The following SLC2A13 variants were observed in gnomAD, a reference collection of about 807,000 sequenced individuals.
The protein encoded by SLC2A13 is proton myo-inositol cotransporter.
SLC2A13 carries 32 observed loss-of-function variants against 64.4 expected under a neutral mutation model. The ratio of observed to expected loss-of-function variants is 0.50; its 90% confidence interval spans 0.37 to 0.67. The LOEUF (loss-of-function observed/expected upper bound fraction) is 0.67, where lower values mean the gene tolerates loss of function less well. Ranked by LOEUF, SLC2A13 falls within the 30% of genes least tolerant of loss-of-function variation. The pLI is 0.00. For synonymous variants in SLC2A13, 338 were observed against 327.1 expected, an observed-to-expected ratio of 1.03 and a Z score of -0.36; for missense variants, 743 against 829.2, an observed-to-expected ratio of 0.90 and a Z score of 1.28.
intron 3 of SLC2A13, among the ~76,000 whole-genome samples, chr12:39,989,263 T>A (rs1353159895): frequency 6.6e-6 from 1 of 152,226 alleles, no homozygotes; most frequent in East Asian, 1.9e-4. Flanking sequence ...GTCTTTTGAA[T>A]ACATGCCACC....
At chr12:39,964,646 G>A (rs28370707) in intron 3 of SLC2A13, among the ~76,000 whole-genome samples, 1,650 of 152,290 alleles carry the variant, frequency 0.011, 22 homozygotes, top group African/African-American at 0.037. Flanking sequence ...ATGCATACAT[G>A]AATTTGGTCA....
At chr12:39,971,996 AAAT>A (rs1413439858) in intron 3 of SLC2A13, among the ~76,000 whole-genome samples, 2 of 34,762 alleles carry the variant, frequency 5.8e-5, no homozygotes, top group African/African-American at 1.6e-4. Flanking sequence ...AAAAAAAAAA[AAAT>A]ATATATATAT....
intron 2 of SLC2A13, among the ~76,000 whole-genome samples, chr12:40,038,976 A>T (rs1354728622): frequency 6.6e-6 from 1 of 152,040 alleles, no homozygotes; most frequent in Non-Finnish European, 1.5e-5. Context: ...CAATTTGCCC[A>T]TTTTTTTATT....
chr12:39,824,140 A>G (rs901765755), intron 7 of SLC2A13, among the ~76,000 whole-genome samples: 11 of 152,258 alleles, frequency 7.2e-5, no homozygotes, highest in African/African-American at 2.7e-4. Flanking sequence ...CTAGAAGCAA[A>G]TATACATTCA....
intron 1 of SLC2A13, among the ~76,000 whole-genome samples, chr12:40,058,884 C>T (rs1231873566): frequency 1.3e-5 from 2 of 152,120 alleles, no homozygotes; most frequent in Non-Finnish European, 2.9e-5. Flanking sequence ...GTGAAAAGGG[C>T]AGTATCATCT....
At chr12:39,906,973 A>G (rs780974737) in intron 4 of SLC2A13, among the ~76,000 whole-genome samples, 1 of 152,140 alleles carries the variant, frequency 6.6e-6, no homozygotes, top group African/African-American at 2.4e-5. Flanking sequence ...CAGTTGCTCC[A>G]ATTTTTGTCT....
chr12:40,066,834 CAG>C (rs1205083677), intron 1 of SLC2A13, among the ~76,000 whole-genome samples: 2 of 152,098 alleles, frequency 1.3e-5, no homozygotes, highest in Non-Finnish European at 2.9e-5. Flanking sequence ...GAAAAGATAA[CAG>C]AGCCACATAA....
intron 4 of SLC2A13, among the ~76,000 whole-genome samples, chr12:39,886,556 C>G (rs1383930856): frequency 6.6e-6 from 1 of 151,948 alleles, no homozygotes; most frequent in Non-Finnish European, 1.5e-5. Flanking sequence ...ATTGAACCAT[C>G]TGGCTAATTC....
chr12:40,037,097 T>G (rs779283950), intron 2 of SLC2A13, among the ~76,000 whole-genome samples: 4 of 152,196 alleles, frequency 2.6e-5, no homozygotes, highest in Non-Finnish European at 4.4e-5. Flanking sequence ...CATGATTTAT[T>G]CCCCTTTTAC....
chr12:39,931,457 G>T (rs534415864), intron 4 of SLC2A13, among the ~76,000 whole-genome samples: 1 of 152,196 alleles, frequency 6.6e-6, no homozygotes, highest in Non-Finnish European at 1.5e-5. Flanking sequence ...TGCACCCAGA[G>T]ACACGTGGGC....
intron 1 of SLC2A13, among the ~76,000 whole-genome samples, chr12:40,065,645 C>T (rs1031463712): frequency 1.3e-5 from 2 of 152,072 alleles, no homozygotes; most frequent in African/African-American, 2.4e-5. Context: ...TTCTATATGG[C>T]TTGGACACCT....
In SLC2A13 at chr12:39,909,791, G is replaced by T. The variant is rs897889858; in HGVS notation, c.1035-37830C>A. On this transcript the variant is annotated intron_variant, in intron 4 of 9. Transcript: ENST00000280871. ...TTTACTGAGAATTAAACGAGAAACA[G>T]TAGGTAATTTGCAGTGTGGGAACTC... Among the ~76,000 whole-genome samples, 3 of 151,624 alleles carry T rather than the reference G, an allele frequency of 2.0e-5. 1 individual carries two copies. The highest frequency in any genetic ancestry group is 4.9e-5 in the African/African-American group (2 of 41,206).
rs183119315 is a variant in SLC2A13, at chr12:39,957,624, C to T, written c.926-6259G>A. 3.0e-3 allele frequency among the ~76,000 whole-genome samples: 461 copies of T among 152,208 alleles called. 3 individuals are homozygous for T. The highest frequency in any genetic ancestry group is 4.8e-3 in the South Asian group (23 of 4,816). ...GTTGAGCATTGTTTGAGAATAATTA[C>T]AAAAACGAGCCACACTCATTTTGGG... is the stretch of plus-strand genomic sequence containing the variant. On this transcript the variant is annotated intron_variant, in intron 3 of 9. Transcript: ENST00000280871.
chr12:39,838,414 C>T (rs1043418714), intron 6 of SLC2A13, among the ~76,000 whole-genome samples: 4 of 145,652 alleles, frequency 2.7e-5, no homozygotes, highest in East Asian at 4.1e-4. Flanking sequence ...GTGGGTGCAG[C>T]GCACCAGCAT....
At chr12:40,087,859 G>C (rs1387564244) in intron 1 of SLC2A13, among the ~76,000 whole-genome samples, 1 of 152,038 alleles carries the variant, frequency 6.6e-6, no homozygotes, top group Non-Finnish European at 1.5e-5. Context: ...TAAATAATTT[G>C]TACTAATTAT....
intron 7 of SLC2A13, among the ~76,000 whole-genome samples, chr12:39,809,616 AT>A (rs560474177): frequency 6.0e-4 from 91 of 152,278 alleles, no homozygotes; most frequent in African/African-American, 1.9e-3. Context: ...TTAACTCGTC[AT>A]TTAGCATCAG....
At chr12:39,771,306 G>C (rs1940564984) in intron 7 of SLC2A13, among the ~76,000 whole-genome samples, 3 of 152,084 alleles carry the variant, frequency 2.0e-5, no homozygotes, top group South Asian at 4.1e-4. Context: ...AAAGTGACAG[G>C]ACATATGTGA....
chr12:40,093,216 C>A (rs1938825328), intron 1 of SLC2A13, among the ~76,000 whole-genome samples: 1 of 152,206 alleles, frequency 6.6e-6, no homozygotes, highest in Non-Finnish European at 1.5e-5. Flanking sequence ...TTTCTCCCAA[C>A]CACTTTAAAA....
At chr12:40,097,355 G>T (rs138653151) in intron 1 of SLC2A13, among the ~76,000 whole-genome samples, 192 of 152,184 alleles carry the variant, frequency 1.3e-3, no homozygotes, top group African/African-American at 4.3e-3. Flanking sequence ...AGTTTTGTGT[G>T]TGTTTAGCAA....
Sources: allele counts gnomAD v4.1 joint callset (sites outside exome capture counted in the v4.1 genomes callset), GRCh38; gene constraint gnomAD v4.1.1; transcripts MANE v1.5; gene names NCBI Gene and HGNC (gene_info 2026-07-23, HGNC 2026-07-21).